GTF2H1: variants seen among roughly 807,000 people sequenced by gnomAD.
GTF2H1 encodes the protein general transcription factor IIH subunit 1.
In GTF2H1, 16 loss-of-function variants were observed where a neutral mutation model predicts 71.2. The observed-to-expected ratio is 0.22, with a 90% CI of 0.15 to 0.34. GTF2H1 has a LOEUF of 0.34. GTF2H1 is among the 10% of genes least tolerant of loss of function. The pLI is 1.00. For synonymous variants in GTF2H1, 215 were observed against 219.0 expected (o/e 0.98, Z 0.16); for missense variants, 498 against 648.2 (o/e 0.77, Z 2.52).
At chr11:18,343,393 G>A (rs1865207538) in intron 7 of GTF2H1, among the ~76,000 whole-genome samples, 1 of 152,104 alleles carries the variant, frequency 6.6e-6, no homozygotes, top group Non-Finnish European at 1.5e-5. Context: ...ATTGGTATGG[G>A]TATATCAACA....
At chr11:18,338,734 C>T (rs1452815973) in intron 4 of GTF2H1, among the ~76,000 whole-genome samples, 1 of 152,126 alleles carries the variant, frequency 6.6e-6, no homozygotes, top group African/African-American at 2.4e-5. Context: ...CAAGTATGAG[C>T]TATCACACTC....
intron 4 of GTF2H1, among the ~76,000 whole-genome samples, 175 bp downstream of exon 4, chr11:18,338,449 TG>T (rs1865082797): frequency 6.6e-6 from 1 of 152,132 alleles, no homozygotes; most frequent in South Asian, 2.1e-4. Flanking sequence ...TTTGTTTGTT[TG>T]TTTGTTTTTA....
Position 18,365,963 on chromosome 11 carries a change from C to T in GTF2H1, c.*94C>T. 1.3e-6 allele frequency: 1 copy of T among 785,088 alleles called. No individual in the cohort carries two copies. The highest frequency in any genetic ancestry group is 1.5e-5 in the South Asian group (1 of 67,268). 48.6% of individuals were successfully genotyped at this position (785,088 alleles called of 1,614,324 possible). ...GGCCTGACAGACAAGCAGATGACCT[C>T]ACAGGAGTGATAAGAAACATCTGCT... On this transcript the variant is annotated 3_prime_UTR_variant, in exon 15 of 15. Transcript: ENST00000265963.
chr11:18,324,022 G>A (rs994738762), intron 1 of GTF2H1, among the ~76,000 whole-genome samples: 4 of 151,740 alleles, frequency 2.6e-5, no homozygotes, highest in Non-Finnish European at 5.9e-5. Flanking sequence ...GGAGAAAAAA[G>A]AGATGGTCTG....
rs4150603 is a variant in GTF2H1, at chr11:18,341,353, C to T, written c.700C>T (p.Arg234Trp). 412 of 1,613,812 alleles carry T rather than the reference C, an allele frequency of 2.6e-4. 3 individuals carry two copies. The East Asian group carries it at 8.9e-3, about 35-fold the overall frequency. The change falls in exon 6 of 15, where the codon CGG becomes TGG. Residue 234 changes from arginine (R) to tryptophan (W), a missense_variant. Coordinates refer to ENST00000265963, the MANE Select transcript of GTF2H1 (RefSeq NM_005316.4). The stretch of plus-strand genomic sequence containing the variant: ...CCAGTCCCATTATTTTCACAGGGAT[C>T]GGCTGAATACAGGGTCAAAGGATCT... ...FFQSHYFHRD[R>W]LNTGSKDLFA...
At chr11:18,354,149 C>G (rs1321679007) in intron 11 of GTF2H1, among the ~76,000 whole-genome samples, 3 of 152,118 alleles carry the variant, frequency 2.0e-5, no homozygotes, top group South Asian at 2.1e-4. Context: ...TTAAATTTAC[C>G]TAATGTTTCC....
At chr11:18,334,480 T>C (rs756368083) in intron 2 of GTF2H1, among the ~76,000 whole-genome samples, 7 of 152,228 alleles carry the variant, frequency 4.6e-5, no homozygotes, top group Non-Finnish European at 8.8e-5. Context: ...ATTAGCAGTA[T>C]TAGCGTCTCT....
chr11:18,333,318 C>A, intron 2 of GTF2H1, 90 bp downstream of exon 2: 3 of 946,414 alleles, frequency 3.2e-6, no homozygotes, highest in Non-Finnish European at 4.6e-6. Context: ...TATTTTATAT[C>A]AAAAAATCAA....
intron 11 of GTF2H1, among the ~76,000 whole-genome samples, chr11:18,356,270 C>T (rs957183430): frequency 4.0e-5 from 6 of 150,454 alleles, no homozygotes; most frequent in Non-Finnish European, 8.8e-5. Context: ...CTCAGCTACT[C>T]GGGAGGCTGA....
chr11:18,336,549 A>G (rs1865033486), intron 3 of GTF2H1, among the ~76,000 whole-genome samples: 1 of 152,210 alleles, frequency 6.6e-6, no homozygotes, highest in Non-Finnish European at 1.5e-5. Context: ...GGAAACGAGA[A>G]TGTGCAAACC....
intron 7 of GTF2H1, among the ~76,000 whole-genome samples, chr11:18,345,062 A>G (rs935411808): frequency 6.6e-6 from 1 of 151,656 alleles, no homozygotes; most frequent in East Asian, 1.9e-4. Flanking sequence ...ATAGTGGTAT[A>G]CACTTGCAGT....
chr11:18,337,128 T>C (rs1434062685), intron 3 of GTF2H1, among the ~76,000 whole-genome samples: 1 of 152,162 alleles, frequency 6.6e-6, no homozygotes, highest in East Asian at 1.9e-4. Flanking sequence ...CTTAGCGCCA[T>C]GAAAAATCCA....
intron 7 of GTF2H1, among the ~76,000 whole-genome samples, chr11:18,342,811 G>T (rs4150612): frequency 0.64 from 97,903 of 151,992 alleles, 32,555 homozygotes; most frequent in East Asian, 0.96. Context: ...AGTATCAATA[G>T]CTGTATAAAC....
intron 11 of GTF2H1, among the ~76,000 whole-genome samples, 175 bp downstream of exon 11, chr11:18,352,621 A>C (rs1159825486): frequency 6.6e-6 from 1 of 152,212 alleles, no homozygotes; most frequent in Non-Finnish European, 1.5e-5. Flanking sequence ...CATATTCAAG[A>C]GGCATCTGAA....
chr11:18,332,855 G>T, intron 1 of GTF2H1: 1 of 427,632 alleles, frequency 2.3e-6, no homozygotes, highest in Non-Finnish European at 4.2e-6. Flanking sequence ...TACACCTGTG[G>T]TATGAGCAAA....
intron 14 of GTF2H1, among the ~76,000 whole-genome samples, 164 bp from the exon 15 acceptor site, chr11:18,365,619 G>A (rs954014204): frequency 3.3e-5 from 5 of 152,032 alleles, no homozygotes; most frequent in African/African-American, 4.8e-5. Flanking sequence ...CACACAAAAT[G>A]TGTCTGACAG....
Position 18,329,499 on chromosome 11 carries a change from T to A in GTF2H1, c.-15-3561T>A, listed in dbSNP as rs567524386. On this transcript the variant is annotated intron_variant, in intron 1 of 14. Transcript: ENST00000265963. ...TTCAGTGGTCCTCCTTGTCCCTTCCTCTCCAGTCTCTCCTGCTGCTCACAG... is the reference window on the plus strand; with the variant it reads ...TTCAGTGGTCCTCCTTGTCCCTTCCACTCCAGTCTCTCCTGCTGCTCACAG... 2.6e-5 allele frequency among the ~76,000 whole-genome samples: 4 copies of A among 152,326 alleles called. No individual in the cohort carries two copies. The South Asian group carries it at 8.3e-4, about 32-fold the overall frequency.
At position 18,345,018 on chromosome 11, in the gene GTF2H1, CTT is replaced by C. The variant is rs11345271; in HGVS notation, c.838-2558_838-2557del. On this transcript the variant is annotated intron_variant, in intron 7 of 14. Transcript: ENST00000265963. ...TCCATTGTGAGACCACATCTCTAAA[CTT>C]TTTTTTTTTTTAATTTAAAAATTAG... Among the ~76,000 whole-genome samples, 795 of 147,030 alleles carry C rather than the reference CTT, an allele frequency of 5.4e-3. 3 individuals are homozygous for C. The highest frequency in any genetic ancestry group is 9.7e-3 in the Admixed American group (144 of 14,778).
chr11:18,365,681 G>T lies in GTF2H1; in HGVS notation c.1561-102G>T, dbSNP rs140449679. The T allele has an allele frequency of 2.8e-4, 208 of 746,950 alleles. 2 individuals are homozygous for T. Among genetic ancestry groups the T allele is most frequent in the African/African-American group, 2.5e-3 (147 of 58,276 alleles). The allele number at this position is 746,950 out of a possible 1,614,324, so 46.3% of individuals were successfully genotyped here. ...CCTCATTGACTGGGGAAATACAGAG[G>T]AGCTCCGAAACTACACTCTGAAGTG... is the stretch of plus-strand genomic sequence containing the variant. On this transcript the variant is annotated intron_variant, in intron 14 of 14. Coordinates refer to ENST00000265963, the MANE Select transcript of GTF2H1 (RefSeq NM_005316.4).
Sources: gnomAD v4.1 joint callset for allele counts (sites outside exome capture counted in the v4.1 genomes callset) on GRCh38, gnomAD v4.1.1 for gene constraint, MANE v1.5 for transcripts, NCBI Gene and HGNC (gene_info 2026-07-23, HGNC 2026-07-21) for gene names.